The following MAPK9 variants were observed in gnomAD, a reference collection of about 807,000 sequenced individuals.
MAPK9 encodes Jun kinase.
In MAPK9, 30 loss-of-function variants were observed where a neutral mutation model predicts 57.1. That is an observed-to-expected ratio of 0.53 (90% CI 0.39 to 0.71). The LOEUF is 0.71. Among genes scored for constraint, MAPK9 ranks in the 30% least tolerant of loss-of-function variants. MAPK9 has a pLI of 0.00. For synonymous variants in MAPK9, 155 were observed against 177.0 expected, an observed-to-expected ratio of 0.88 and a Z score of 0.99; for missense variants, 362 against 521.0, an observed-to-expected ratio of 0.69 and a Z score of 2.97.
chr5:180,271,344 A>C, intron 2 of MAPK9, among the ~76,000 whole-genome samples: 1 of 152,132 alleles, frequency 6.6e-6, no homozygotes, highest in East Asian at 1.9e-4. Context: ...TGTTATCACT[A>C]TCTCTTCATT....
chr5:180,263,667 C>G (rs1050876493), intron 4 of MAPK9, among the ~76,000 whole-genome samples: 1 of 151,796 alleles, frequency 6.6e-6, no homozygotes, highest in African/African-American at 2.4e-5. Flanking sequence ...CCTTCTATCT[C>G]CATTCTACTT....
chr5:180,238,255 A>G (rs1757344716), intron 11 of MAPK9, 77 bp downstream of exon 11: 3 of 1,161,976 alleles, frequency 2.6e-6, no homozygotes, highest in Non-Finnish European at 3.8e-6. Context: ...GGGCGACAGA[A>G]CGAAACTCTG....
chr5:180,240,395 C>T (rs544673314), intron 9 of MAPK9, among the ~76,000 whole-genome samples: 12 of 152,362 alleles, frequency 7.9e-5, no homozygotes, highest in African/African-American at 2.9e-4. Context: ...CAATGTCCAA[C>T]TCATAAATGG....
chr5:180,272,708 T>C (rs1416290716), intron 2 of MAPK9, among the ~76,000 whole-genome samples: 1 of 152,238 alleles, frequency 6.6e-6, no homozygotes, highest in Admixed American at 6.5e-5. Context: ...ATCATTGCTA[T>C]AAGATTCCTT....
rs1757497851 is a variant in MAPK9 at position 180,239,780 on chromosome 5, C to T, written c.1060+144G>A. On this transcript the variant is annotated intron_variant, in intron 10 of 11. Transcript: ENST00000452135. ...CTGTTCTCTTCAAGTTCATTTTCTA[C>T]TGGAAACTGGGGAGAAAGAGGCTAA... 1.4e-5 allele frequency: 10 copies of T among 712,644 alleles called. No individual in the cohort carries two copies. In the South Asian group the frequency reaches 1.5e-4, roughly 10 times the overall value. The allele number at this position is 712,644 out of a possible 1,614,324, so 44.1% of individuals were successfully genotyped here.
rs145822898 is a variant in MAPK9 at position 180,261,192 on chromosome 5, C to T, written c.450+492G>A. Among the ~76,000 whole-genome samples the T allele has an allele frequency of 3.6e-3, 541 of 152,182 alleles. 3 individuals carry two copies. Among genetic ancestry groups the T allele is most frequent in the African/African-American group, 0.012 (518 of 41,508 alleles). On this transcript the variant is annotated intron_variant, in intron 5 of 11. Coordinates refer to ENST00000452135, the MANE Select transcript of MAPK9 (RefSeq NM_002752.5). ...CACCAGTGATGCAGGGAAGCTGGCA[C>T]GGCAGAATTTTAGGATAAGAGAAAT... is the stretch of plus-strand genomic sequence containing the variant.
intron 5 of MAPK9, 37 bp from the exon 6 acceptor site, chr5:180,249,175 A>C: frequency 6.3e-7 from 1 of 1,579,274 alleles, no homozygotes; most frequent in South Asian, 1.1e-5. Flanking sequence ...AAAATGAATG[A>C]AGCATGCTAA....
At position 180,261,578 on chromosome 5, in the gene MAPK9, T is replaced by C. The variant is rs929956510; in HGVS notation, c.450+106A>G. ...ACACCATATGATTCCATCATCTATT[T>C]GGATTTTCAAGCCTAACAATTTTTT... On this transcript the variant is annotated intron_variant, in intron 5 of 11. Transcript: ENST00000452135. The C allele has an allele frequency of 1.2e-5, 13 of 1,085,638 alleles. No individual in the cohort carries two copies. In the African/African-American group the frequency reaches 1.8e-4, roughly 15 times the overall value. 67.3% of individuals were successfully genotyped at this position (1,085,638 alleles called of 1,614,324 possible).
In MAPK9 at chr5:180,268,014, T is replaced by C. The variant is rs575206574; in HGVS notation, c.252+1266A>G. On this transcript the variant is annotated intron_variant, in intron 3 of 11. Transcript: ENST00000452135. ...AATTTTTTGTACTTTTTAGTAGAGA[T>C]GGGGTTTCACCATGTTAGCCAGGAT... 3.0e-3 allele frequency among the ~76,000 whole-genome samples: 455 copies of C among 152,168 alleles called. 4 individuals carry two copies. Among genetic ancestry groups the C allele is most frequent in the East Asian group, 8.3e-3 (43 of 5,170 alleles).
At chr5:180,241,516 G>A (rs951605912) in intron 8 of MAPK9, among the ~76,000 whole-genome samples, 1 of 152,094 alleles carries the variant, frequency 6.6e-6, no homozygotes, top group African/African-American at 2.4e-5. Flanking sequence ...AGGCAGGATG[G>A]TCTCGATCTC....
At chr5:180,274,453 G>A (rs1435286204) in intron 2 of MAPK9, among the ~76,000 whole-genome samples, 1 of 152,212 alleles carries the variant, frequency 6.6e-6, no homozygotes, top group Non-Finnish European at 1.5e-5. Flanking sequence ...GAAGGACTGG[G>A]CATGCCACTG....
At chr5:180,267,760 A>G (rs10058502) in intron 3 of MAPK9, among the ~76,000 whole-genome samples, 48,598 of 151,800 alleles carry the variant, frequency 0.32, 8,076 homozygotes, top group African/African-American at 0.4. Flanking sequence ...AGCTACTTGG[A>G]GGGCTGAGGT....
intron 5 of MAPK9, among the ~76,000 whole-genome samples, chr5:180,254,024 T>C (rs1759003918): frequency 7.3e-6 from 1 of 136,464 alleles, no homozygotes; most frequent in South Asian, 2.4e-4. Flanking sequence ...TGGAGTGCAA[T>C]GGCACTATCT....
rs150107197 is a variant in MAPK9 at position 180,265,799 on chromosome 5, G to A, written c.253-960C>T. Among the ~76,000 whole-genome samples the A allele has an allele frequency of 4.2e-3, 619 of 148,738 alleles. 4 individuals carry two copies. Among genetic ancestry groups the A allele is most frequent in the African/African-American group, 0.014 (587 of 41,262 alleles). ...GATGAATTATCCATTATACAGGATT[G>A]GGGTGATTGGTTAGCTAAGGACAAA... On this transcript the variant is annotated intron_variant, in intron 3 of 11. Transcript: ENST00000452135.
At chr5:180,267,372 T>C (rs977179437) in intron 3 of MAPK9, among the ~76,000 whole-genome samples, 7 of 151,782 alleles carry the variant, frequency 4.6e-5, no homozygotes, top group African/African-American at 1.7e-4. Context: ...CCATCCTGGC[T>C]AACATGGTGA....
intron 3 of MAPK9, among the ~76,000 whole-genome samples, chr5:180,265,449 CAGTG>C (rs1216283309): frequency 3.9e-5 from 6 of 152,332 alleles, no homozygotes; most frequent in South Asian, 2.1e-4. Context: ...GTTCTTGTGA[CAGTG>C]AGTGAGTTCT....
intron 3 of MAPK9, among the ~76,000 whole-genome samples, chr5:180,266,548 A>C (rs1760575720): frequency 6.6e-6 from 1 of 151,476 alleles, no homozygotes; most frequent in South Asian, 2.1e-4. Flanking sequence ...TAAACTCATG[A>C]CTCAGGTGAT....
chr5:180,238,383 T>C lies in MAPK9; in HGVS notation c.1081A>G (p.Met361Val), dbSNP rs753506167. 5 of 1,611,500 alleles carry C rather than the reference T, an allele frequency of 3.1e-6. No homozygotes were observed. The African/African-American group carries it at 5.3e-5, about 17-fold the overall frequency. ...TTCTTGCTTCTTTCTTCCCAATCCATGACTTCTTTGTAAATTAGCTCTTTA... is the reference window on the plus strand; with the variant it reads ...TTCTTGCTTCTTTCTTCCCAATCCACGACTTCTTTGTAAATTAGCTCTTTA... Reference protein sequence around the residue: ...EWKELIYKEVMDWEERSKNGV... With the variant: ...EWKELIYKEVVDWEERSKNGV... The change falls in exon 11 of 12, where the codon ATG (methionine) becomes GTG (valine). Residue 361 changes from methionine to valine, a missense_variant. By Grantham distance (21) the Met-to-Val change is conservative. Transcript: ENST00000452135.
intron 1 of MAPK9, among the ~76,000 whole-genome samples, chr5:180,289,415 A>C (rs993776608): frequency 6.6e-6 from 1 of 150,478 alleles, no homozygotes. Context: ...CCTTTTGAAG[A>C]AAAAAAAAAG....
Sources: allele counts gnomAD v4.1 joint callset (sites outside exome capture counted in the v4.1 genomes callset), GRCh38; gene constraint gnomAD v4.1.1; transcripts MANE v1.5; gene names NCBI Gene and HGNC (gene_info 2026-07-23, HGNC 2026-07-21).